ALLC: variants seen among roughly 807,000 people sequenced by gnomAD.
ALLC encodes allantoicase, also known as probable inactive allantoicase.
A neutral mutation model predicts 45.0 loss-of-function variants in ALLC; 40 were observed. The observed-to-expected ratio is 0.89, with a 90% CI of 0.69 to 1.16. ALLC has a LOEUF of 1.16. Among genes scored for constraint, ALLC ranks in the 50% most tolerant of loss-of-function variants. The probability of loss-of-function intolerance (pLI) is 0.00; values close to 1 mark genes in which losing one functional copy is unlikely to be tolerated. For synonymous variants in ALLC, 176 were observed against 178.1 expected (o/e 0.99, Z 0.09); for missense variants, 488 against 493.1 (o/e 0.99, Z 0.10).
chr2:3,671,476 A>G (rs1666866479), intron 2 of ALLC, among the ~76,000 whole-genome samples: 1 of 152,240 alleles, frequency 6.6e-6, no homozygotes, highest in South Asian at 2.1e-4. Context: ...GTTAGATCTG[A>G]GGTCCTCTAG....
the ALLC span, among the ~76,000 whole-genome samples, chr2:3,651,436 TGTGTGTTAGGAA>T: frequency 3.5e-5 from 2 of 56,858 alleles, no homozygotes. Context: ...TGTGTGTGTG[TGTGTGTTAGGAA>T]GGGAGACGAG....
At chr2:3,671,524 TA>T (rs1483487404) in intron 2 of ALLC, among the ~76,000 whole-genome samples, 12 of 150,668 alleles carry the variant, frequency 8.0e-5, no homozygotes, top group Non-Finnish European at 1.0e-4. Context: ...TCTGGTTAGA[TA>T]GGAGGTCCTC....
intron 7 of ALLC, among the ~76,000 whole-genome samples, chr2:3,691,906 T>G (rs6750180): frequency 0.12 from 17,971 of 152,174 alleles, 1,245 homozygotes; most frequent in African/African-American, 0.19. Flanking sequence ...CTCTAATGAA[T>G]TTTTTGGTTC....
the ALLC span, among the ~76,000 whole-genome samples, chr2:3,652,129 C>G: frequency 4.2e-4 from 64 of 152,244 alleles, no homozygotes; most frequent in Non-Finnish European, 6.6e-4. Flanking sequence ...AGCCCCGCCT[C>G]GGTGCGTGTG....
intron 11 of ALLC, 129 bp downstream of exon 11, chr2:3,701,765 C>A: frequency 8.9e-7 from 1 of 1,124,516 alleles, no homozygotes; most frequent in Non-Finnish European, 1.2e-6. Flanking sequence ...AGGTTTAAAA[C>A]CCCTATCTGC....
the ALLC span, among the ~76,000 whole-genome samples, chr2:3,650,752 C>T: frequency 8.5e-5 from 13 of 152,326 alleles, no homozygotes; most frequent in African/African-American, 1.9e-4. Context: ...CCCACTGTCA[C>T]GCAGTCCCCA....
At chr2:3,686,920 T>C (rs1358935916) in intron 7 of ALLC, among the ~76,000 whole-genome samples, 2 of 151,092 alleles carry the variant, frequency 1.3e-5, no homozygotes, top group African/African-American at 4.8e-5. Context: ...TCAATTTGGA[T>C]GCCATTTATT....
At chr2:3,681,531 G>C in intron 5 of ALLC, 103 bp from the exon 6 acceptor site, 1 of 708,370 alleles carries the variant, frequency 1.4e-6, no homozygotes, top group Non-Finnish European at 2.3e-6. Context: ...AATATCTTTA[G>C]TGTTATTTGC....
chr2:3,653,328 T>C (rs771673778), upstream of ALLC, among the ~76,000 whole-genome samples: 2 of 152,228 alleles, frequency 1.3e-5, no homozygotes, highest in Non-Finnish European at 1.5e-5. This position sits in a 1 kb window ranked among gnomAD's most constrained non-coding sequence, Gnocchi z 4.1. Context: ...GTTTGCAGTT[T>C]GCCACTTGTG....
In ALLC at chr2:3,664,945, A is replaced by C. The variant is rs538978534; in HGVS notation, c.-62-6151A>C. On this transcript the variant is annotated intron_variant, in intron 1 of 11. Transcript: ENST00000252505. ...CAGATGTTTCCAAATGCTCGATTTC[A>C]TTTGGAAACACAAACTTAGTCTTGA... Among the ~76,000 whole-genome samples the C allele has an allele frequency of 1.1e-4, 16 of 151,504 alleles. No individual in the cohort carries two copies. In the South Asian group the frequency reaches 2.7e-3, roughly 26 times the overall value.
chr2:3,654,296 C>T (rs956266994), upstream of ALLC, among the ~76,000 whole-genome samples: 8 of 152,174 alleles, frequency 5.3e-5, no homozygotes, highest in East Asian at 1.9e-4. Context: ...TGAGGAGAGG[C>T]GGTGGACTGC....
chr2:3,659,293 A>C (rs970514569), intron 1 of ALLC, among the ~76,000 whole-genome samples: 14 of 152,160 alleles, frequency 9.2e-5, no homozygotes, highest in African/African-American at 3.1e-4. Flanking sequence ...TAATCTCAAA[A>C]GAAAAAATAG....
At chr2:3,684,245 A>G (rs1355625759) in intron 7 of ALLC, among the ~76,000 whole-genome samples, 3 of 152,162 alleles carry the variant, frequency 2.0e-5, no homozygotes, top group African/African-American at 7.2e-5. Flanking sequence ...TGCCTTTCCC[A>G]GCACTCTCTG....
At chr2:3,678,318 G>C in intron 3 of ALLC, 150 bp from the exon 4 acceptor site, 1 of 610,950 alleles carries the variant, frequency 1.6e-6, no homozygotes, top group Admixed American at 3.0e-5. Context: ...CAATCTGGAA[G>C]GGGCTAGCTG....
At chr2:3,667,333 G>A (rs1666750441) in intron 1 of ALLC, among the ~76,000 whole-genome samples, 1 of 152,218 alleles carries the variant, frequency 6.6e-6, no homozygotes, top group Non-Finnish European at 1.5e-5. Flanking sequence ...TGCATGCTCA[G>A]CCCCGGGCAT....
At chr2:3,670,082 G>A (rs1456157732) in intron 1 of ALLC, among the ~76,000 whole-genome samples, 1 of 152,174 alleles carries the variant, frequency 6.6e-6, no homozygotes, top group East Asian at 1.9e-4. Flanking sequence ...GATGTCGGGA[G>A]CGCCTTCCAG....
chr2:3,653,746 G>A (rs4849975), upstream of ALLC, among the ~76,000 whole-genome samples: 8,592 of 151,936 alleles, frequency 0.057, 348 homozygotes, highest in East Asian at 0.21. The surrounding 1 kb of genome is among the most constrained non-coding windows in gnomAD (Gnocchi z 4.1). Context: ...ATGATGGTGC[G>A]TGGCAGAGCT....
chr2:3,679,537 A>C (rs986313330), intron 4 of ALLC, among the ~76,000 whole-genome samples: 13 of 152,216 alleles, frequency 8.5e-5, no homozygotes, highest in Non-Finnish European at 2.9e-5. Context: ...TGAGAAAATG[A>C]GATTCTCTAC....
rs77032702 is a variant in ALLC at position 3,680,620 on chromosome 2, C to T, written c.298+626C>T. Among the ~76,000 whole-genome samples, 23 of 152,274 alleles carry T rather than the reference C, an allele frequency of 1.5e-4. No individual in the cohort carries two copies. The highest frequency in any genetic ancestry group is 4.8e-4 in the African/African-American group (20 of 41,552). ...ACGGGTATTTTATTGGGGGAACTTACGGACAGAAGCGTGGCCTTGGGCAGC... is the reference window on the plus strand; with the variant it reads ...ACGGGTATTTTATTGGGGGAACTTATGGACAGAAGCGTGGCCTTGGGCAGC... On this transcript the variant is annotated intron_variant, in intron 5 of 11. Transcript: ENST00000252505. The surrounding 1 kb of genome is among the most constrained non-coding windows in gnomAD (Gnocchi z 4.0).
Sources: gnomAD v4.1 joint callset for allele counts (sites outside exome capture counted in the v4.1 genomes callset) on GRCh38, gnomAD v4.1.1 for gene constraint, Gnocchi (gnomAD v3.1) non-coding constraint, MANE v1.5 for transcripts, NCBI Gene and HGNC (gene_info 2026-07-23, HGNC 2026-07-21) for gene names.